MACROD2: variants seen among roughly 807,000 people sequenced by gnomAD.
MACROD2 encodes ADP-ribose glycohydrolase MACROD2.
Under a neutral mutation model 70.4 loss-of-function variants are expected in MACROD2, and 36 were observed. The observed-to-expected ratio is 0.51, with a 90% CI of 0.39 to 0.68. MACROD2 has a LOEUF of 0.68. MACROD2 is among the 30% of genes least tolerant of loss of function. The pLI, the probability that MACROD2 is intolerant of heterozygous loss-of-function variation, is 0.00. For missense variants in MACROD2, 496 were observed against 538.4 expected (o/e 0.92, Z 0.78); for synonymous variants, 172 against 178.8 (o/e 0.96, Z 0.30).
At chr20:15,272,699 T>C (rs947517430) in intron 6 of MACROD2, among the ~76,000 whole-genome samples, 1 of 152,204 alleles carries the variant, frequency 6.6e-6, no homozygotes, top group African/African-American at 2.4e-5. Flanking sequence ...GTGAAGAAAT[T>C]ACTTCTGAAT....
chr20:14,941,945 G>A (rs939269463), intron 5 of MACROD2, among the ~76,000 whole-genome samples: 16 of 141,924 alleles, frequency 1.1e-4, no homozygotes, highest in African/African-American at 3.6e-4. Flanking sequence ...CACCATGCCC[G>A]GCTATTTTTT....
chr20:14,890,234 G>A lies in MACROD2; in HGVS notation c.418+205275G>A, dbSNP rs531193624. On this transcript the variant is annotated intron_variant, in intron 5 of 17. Transcript: ENST00000684519. ...GATACAACTTGAGAGTTGTTGGTAA[G>A]TAGGAGGTATTTCAAGTCATGAGGA... Among the ~76,000 whole-genome samples, 17 of 152,164 alleles carry A rather than the reference G, an allele frequency of 1.1e-4. 1 individual carries two copies. The highest frequency in any genetic ancestry group is 3.6e-4 in the African/African-American group (15 of 41,516).
intron 5 of MACROD2, among the ~76,000 whole-genome samples, chr20:14,824,896 A>C (rs1219523055): frequency 6.6e-6 from 1 of 152,146 alleles, no homozygotes; most frequent in African/African-American, 2.4e-5. Flanking sequence ...GTCCTTAAAC[A>C]CAGAGCTGCC....
At chr20:15,697,808 G>T (rs1351997512) in intron 8 of MACROD2, among the ~76,000 whole-genome samples, 1 of 152,200 alleles carries the variant, frequency 6.6e-6, no homozygotes, top group Admixed American at 6.5e-5. Flanking sequence ...ATTATATAAA[G>T]TCCCTCTTTG....
chr20:14,923,046 G>C (rs2074182692), intron 5 of MACROD2, among the ~76,000 whole-genome samples: 1 of 152,148 alleles, frequency 6.6e-6, no homozygotes, highest in Admixed American at 6.5e-5. Context: ...AGCATTGTTA[G>C]AGCAGGGTGC....
chr20:14,263,526 G>A (rs2082117881), intron 3 of MACROD2, among the ~76,000 whole-genome samples: 2 of 152,092 alleles, frequency 1.3e-5, no homozygotes, highest in African/African-American at 4.8e-5. Context: ...GTGCCCCCCA[G>A]ACATCCAGCA....
intron 3 of MACROD2, among the ~76,000 whole-genome samples, chr20:14,314,760 C>CTAAATAAA (rs112460293): frequency 0.014 from 2,104 of 148,072 alleles, 45 homozygotes; most frequent in African/African-American, 0.05. Context: ...GACTTCGTCT[C>CTAAATAAA]TAAATAAATA....
chr20:15,307,401 A>G (rs886320393), intron 6 of MACROD2, among the ~76,000 whole-genome samples: 1 of 152,182 alleles, frequency 6.6e-6, no homozygotes, highest in Non-Finnish European at 1.5e-5. Context: ...AAATAGTGCA[A>G]ATAATTCCCA....
At chr20:14,450,706 T>C (rs1180134325) in intron 3 of MACROD2, among the ~76,000 whole-genome samples, 1 of 152,154 alleles carries the variant, frequency 6.6e-6, no homozygotes, top group Non-Finnish European at 1.5e-5. Context: ...AAGGCTAACA[T>C]GGGAGACCCA....
At chr20:14,434,541 A>G (rs6079438) in intron 3 of MACROD2, among the ~76,000 whole-genome samples, 41,222 of 151,868 alleles carry the variant, frequency 0.27, 5,771 homozygotes, top group Admixed American at 0.33. Flanking sequence ...TTTATTACAG[A>G]CACCCCAAGG....
chr20:15,689,197 A>T (rs13433239), intron 8 of MACROD2, among the ~76,000 whole-genome samples: 1 of 151,892 alleles, frequency 6.6e-6, no homozygotes, highest in Non-Finnish European at 1.5e-5. Flanking sequence ...CCAGCTACTC[A>T]GGAGGCTGAG....
intron 5 of MACROD2, among the ~76,000 whole-genome samples, chr20:14,836,386 G>A (rs571018168): frequency 1.3e-5 from 2 of 152,102 alleles, no homozygotes; most frequent in South Asian, 4.2e-4. Context: ...CCATCACTAG[G>A]AGGAGCTAAC....
chr20:15,387,375 CTCTCTTCCT>C lies in MACROD2; in HGVS notation c.541-44029_541-44021del, dbSNP rs1183703378. Among the ~76,000 whole-genome samples, 20 of 61,172 alleles carry C rather than the reference CTCTCTTCCT, an allele frequency of 3.3e-4. No individual in the cohort carries two copies. In the Middle Eastern group the frequency reaches 0.023, roughly 70 times the overall value. 40.1% of individuals were successfully genotyped at this position (61,172 alleles called of 152,430 possible). On this transcript the variant is annotated intron_variant, in intron 6 of 17. Coordinates refer to ENST00000684519, the MANE Select transcript of MACROD2 (RefSeq NM_001351661.2). ...GCTTCTATTCCTCTCCCTTTCTTCC[CTCTCTTCCT>C]ACCTCTCTGCAGTCTGCACTTTTCC... is the stretch of plus-strand genomic sequence containing the variant.
intron 8 of MACROD2, among the ~76,000 whole-genome samples, chr20:15,616,208 A>G (rs915935775): frequency 2.7e-5 from 4 of 146,134 alleles, no homozygotes; most frequent in African/African-American, 1.0e-4. Context: ...GGTTCAAGTG[A>G]TTCTCGTGCC....
intron 6 of MACROD2, among the ~76,000 whole-genome samples, chr20:15,320,362 C>G (rs2077861452): frequency 6.6e-6 from 1 of 152,146 alleles, no homozygotes; most frequent in Admixed American, 6.5e-5. Context: ...TTTGAGTATA[C>G]TAAACGCCAT....
chr20:14,656,687 C>T (rs562217136), intron 4 of MACROD2, among the ~76,000 whole-genome samples: 5 of 152,200 alleles, frequency 3.3e-5, no homozygotes, highest in South Asian at 4.2e-4. Flanking sequence ...GAGAAATGGC[C>T]GGCCAGTGAA....
chr20:15,088,555 T>A (rs927855452), intron 5 of MACROD2, among the ~76,000 whole-genome samples: 7 of 150,854 alleles, frequency 4.6e-5, no homozygotes, highest in Non-Finnish European at 7.4e-5. Context: ...GATATGTGTA[T>A]AGATGTATCT....
At chr20:15,113,747 G>A (rs2075972395) in intron 5 of MACROD2, among the ~76,000 whole-genome samples, 1 of 146,544 alleles carries the variant, frequency 6.8e-6, no homozygotes, top group Admixed American at 7.1e-5. Flanking sequence ...ATAGGTATGG[G>A]GTTGTGTAGT....
At chr20:15,769,382 G>T (rs1380768555) in intron 8 of MACROD2, among the ~76,000 whole-genome samples, 23 of 152,046 alleles carry the variant, frequency 1.5e-4, no homozygotes, top group Non-Finnish European at 2.9e-5. Context: ...CCGAACATCA[G>T]GTGATCTGCC....
Sources: gnomAD v4.1 joint callset for allele counts (sites outside exome capture counted in the v4.1 genomes callset) on GRCh38, gnomAD v4.1.1 for gene constraint, MANE v1.5 for transcripts, NCBI Gene and HGNC (gene_info 2026-07-23, HGNC 2026-07-21) for gene names.